The following TTLL4 variants were observed in gnomAD, a reference collection of about 807,000 sequenced individuals.
TTLL4 encodes the protein tubulin monoglutamylase TTLL4.
In TTLL4, 85 loss-of-function variants were observed where a neutral mutation model predicts 122.7. That is an observed-to-expected ratio of 0.69 (90% confidence interval 0.58 to 0.83). The LOEUF is 0.83. Ranked by LOEUF, TTLL4 falls within the 40% of genes least tolerant of loss-of-function variation. The pLI, the probability that TTLL4 is intolerant of heterozygous loss-of-function variation, is 0.00. For missense variants in TTLL4, 1,363 were observed against 1,488.6 expected (o/e 0.92, Z 1.39); for synonymous variants, 553 against 563.0 (o/e 0.98, Z 0.25).
chr2:218,753,004 AAG>A, intron 17 of TTLL4, 31 bp downstream of exon 17: 1 of 1,614,038 alleles, frequency 6.2e-7, no homozygotes, highest in Non-Finnish European at 8.5e-7. Flanking sequence ...TCAGAAAGCC[AAG>A]TTTAGTGAGA....
chr2:218,712,560 G>A (rs1379060928), intron 1 of TTLL4, among the ~76,000 whole-genome samples: 3 of 151,970 alleles, frequency 2.0e-5, no homozygotes, highest in Non-Finnish European at 2.9e-5. Context: ...TTAATTTTTT[G>A]TATTTTTTAG....
chr2:218,749,444 C>T (rs1942955611), intron 14 of TTLL4, 57 bp downstream of exon 14: 1 of 1,584,200 alleles, frequency 6.3e-7, no homozygotes, highest in Non-Finnish European at 8.6e-7. Flanking sequence ...CTCACGCTCC[C>T]ATTGCCACTC....
In TTLL4 at chr2:218,750,021, C is replaced by T. The variant is rs1348584173; in HGVS notation, c.2748C>T (p.Ser916=). 4 of 1,614,056 alleles carry T rather than the reference C, an allele frequency of 2.5e-6. No homozygotes were observed. In the South Asian group the frequency reaches 4.4e-5, roughly 18 times the overall value. ...CCTTTTTCTGAAGCCTCCACTCCAGCTCTCCACTGGATATCAGCATCAAAG... is the reference window on the plus strand; with the variant it reads ...CCTTTTTCTGAAGCCTCCACTCCAGTTCTCCACTGGATATCAGCATCAAAG... ...EVNISPSLHS[S]SPLDISIKGQ... is the part of the protein sequence containing the mutation. Residue 916 remains serine (S), a synonymous_variant, in exon 15 of 20, where the codon AGC becomes AGT. Coordinates refer to ENST00000392102, the MANE Select transcript of TTLL4 (RefSeq NM_014640.5).
intron 1 of TTLL4, among the ~76,000 whole-genome samples, chr2:218,716,238 G>C (rs528397821): frequency 3.9e-5 from 6 of 152,160 alleles, no homozygotes; most frequent in Non-Finnish European, 8.8e-5. Context: ...GAAGTGACAG[G>C]CTTACTTTGT....
intron 6 of TTLL4, 125 bp downstream of exon 6, chr2:218,745,358 T>C (rs1367709455): frequency 1.4e-5 from 18 of 1,296,644 alleles, no homozygotes; most frequent in Admixed American, 3.9e-5. Flanking sequence ...GTTGTCACAC[T>C]GTGCTCAGTT....
rs1255094535 is a variant in TTLL4, at chr2:218,752,790, C to T, written c.3004C>T (p.Leu1002=). Residue 1002 remains leucine, a synonymous_variant, in exon 17 of 20, where the codon CTG becomes TTG. Coordinates refer to ENST00000392102, the MANE Select transcript of TTLL4 (RefSeq NM_014640.5). Reference sequence around the variant, plus strand: ...CTTCTATGCATCTGTGCTGGATGTCCTGACACCAGATGATGTTCGGATTCT... The same window carrying T: ...CTTCTATGCATCTGTGCTGGATGTCTTGACACCAGATGATGTTCGGATTCT... ...QDFYASVLDV[L]TPDDVRILVE... is the part of the protein sequence containing the mutation. The T allele has an allele frequency of 3.1e-6, 5 of 1,614,212 alleles. No homozygotes were observed. In the South Asian group the frequency reaches 3.3e-5, roughly 11 times the overall value.
Position 218,740,513 on chromosome 2 carries a change from T to C in TTLL4, c.1598-8T>C. 1.2e-6 allele frequency: 2 copies of C among 1,614,068 alleles called. No individual in the cohort carries two copies. Among genetic ancestry groups the C allele is most frequent in the South Asian group, 2.2e-5 (2 of 91,082 alleles). On this transcript the variant is annotated splice_polypyrimidine_tract_variant and splice_region_variant and intron_variant, in intron 4 of 19. Coordinates refer to ENST00000392102, the MANE Select transcript of TTLL4 (RefSeq NM_014640.5). ...TAGTCAGAATTTCTCTGTTCTTCCTTCCTCTAGGAGACTCAGAGTGCTCCT... is the reference window on the plus strand; with the variant it reads ...TAGTCAGAATTTCTCTGTTCTTCCTCCCTCTAGGAGACTCAGAGTGCTCCT...
downstream of TTLL4, among the ~76,000 whole-genome samples, chr2:218,758,510 C>A (rs949729914): frequency 1.3e-5 from 2 of 151,944 alleles, no homozygotes; most frequent in Admixed American, 1.3e-4. Flanking sequence ...ATTACAATAG[C>A]GTGTTAATAT....
intron 1 of TTLL4, among the ~76,000 whole-genome samples, chr2:218,726,812 CT>C (rs1027573314): frequency 8.5e-5 from 12 of 141,478 alleles, no homozygotes; most frequent in African/African-American, 1.8e-4. Flanking sequence ...TTCTTTCTTT[CT>C]TTTTTTTTTG....
Position 218,714,380 on chromosome 2 carries a change from T to C in TTLL4, c.-178+3343T>C, listed in dbSNP as rs1044498554. 2.6e-5 allele frequency among the ~76,000 whole-genome samples: 4 copies of C among 152,374 alleles called. No homozygotes were observed. In the South Asian group the frequency reaches 6.2e-4, roughly 24 times the overall value. On this transcript the variant is annotated intron_variant, in intron 1 of 19. Coordinates refer to ENST00000392102, the MANE Select transcript of TTLL4 (RefSeq NM_014640.5). Reference sequence around the variant, plus strand: ...CTCATGTTTTGGAGTTGGATTTAGCTTTCTCACTAGATTCCTTCTATGACC... The same window carrying C: ...CTCATGTTTTGGAGTTGGATTTAGCCTTCTCACTAGATTCCTTCTATGACC...
intron 12 of TTLL4, 187 bp downstream of exon 12, chr2:218,748,414 G>A (rs781510280): frequency 9.7e-6 from 9 of 923,634 alleles, no homozygotes; most frequent in Non-Finnish European, 1.4e-5. Flanking sequence ...TAGCACTTTG[G>A]GAGGCCAAGG....
chr2:218,753,764 A>T (rs1943088547), intron 19 of TTLL4, 95 bp downstream of exon 19: 2 of 1,384,192 alleles, frequency 1.4e-6, no homozygotes, highest in South Asian at 2.3e-5. Flanking sequence ...TGAGATCAGC[A>T]TTCTCCAGCT....
rs763400004 is a variant in TTLL4 at position 218,737,896 on chromosome 2, G to T, written c.220G>T (p.Val74Phe). Residue 74 changes from valine (V) to phenylalanine (F), a missense_variant, in exon 3 of 20, where the codon GTC (valine) becomes TTC (phenylalanine). Around this residue, in one of 3 missense-constraint regions of TTLL4, gnomAD observed 760 missense variants for 808.4 expected, o/e 0.94. Transcript: ENST00000392102. ...SAGLGPGLLG[V>F]PPQPAYFFCP... The stretch of plus-strand genomic sequence containing the variant: ...AGGGTTGGGCCCAGGCCTCTTGGGC[G>T]TCCCACCCCAGCCAGCATATTTCTT... 1 of 1,614,204 alleles carries T rather than the reference G, an allele frequency of 6.2e-7. No individual in the cohort carries two copies. Among genetic ancestry groups the T allele is most frequent in the African/African-American group, 1.3e-5 (1 of 75,062 alleles).
intron 1 of TTLL4, among the ~76,000 whole-genome samples, chr2:218,723,411 A>G (rs4672897): frequency 0.49 from 74,485 of 152,046 alleles, 18,884 homozygotes; most frequent in African/African-American, 0.58. Flanking sequence ...GAGACCTCCT[A>G]CCAGCTTGTA....
chr2:218,749,702 C>T (rs543739533), intron 14 of TTLL4, among the ~76,000 whole-genome samples: 3 of 152,240 alleles, frequency 2.0e-5, no homozygotes, highest in Admixed American at 6.5e-5. Context: ...CTCCTGACCT[C>T]GTGATCTGCC....
Position 218,754,809 on chromosome 2 carries a change from G to T in TTLL4, c.*420G>T. 1 of 195,114 alleles carries T rather than the reference G, an allele frequency of 5.1e-6. No individual in the cohort carries two copies. Among genetic ancestry groups the T allele is most frequent in the Non-Finnish European group, 1.1e-5 (1 of 94,168 alleles). 12.1% of individuals were successfully genotyped at this position (195,114 alleles called of 1,614,324 possible). A position where few individuals can be genotyped will look rare whatever the true frequency, so the allele number is the denominator to read the frequency against. The stretch of plus-strand genomic sequence containing the variant: ...AAATCCTTTGTTCTGAATTTGAGGG[G>T]GTCTTCTGAGGTCCTTACTTCCTTA... On this transcript the variant is annotated 3_prime_UTR_variant, in exon 20 of 20. Transcript: ENST00000392102.
chr2:218,734,010 A>C lies in TTLL4; in HGVS notation c.-98-3569A>C, dbSNP rs189999196. 2.7e-3 allele frequency among the ~76,000 whole-genome samples: 415 copies of C among 152,298 alleles called. 1 individual carries two copies. Among genetic ancestry groups the C allele is most frequent in the Non-Finnish European group, 5.2e-3 (355 of 68,020 alleles). On this transcript the variant is annotated intron_variant, in intron 2 of 19. Transcript: ENST00000392102. ...GGTATAAACATGGAGGAGTGTTTCC[A>C]ACCTGGCTTTTGTCTGGTACCTAAA...
chr2:218,747,359 C>G lies in TTLL4; in HGVS notation c.2236C>G (p.Leu746Val), dbSNP rs1575180565. 1.9e-6 allele frequency: 3 copies of G among 1,614,210 alleles called. No individual in the cohort carries two copies. Among genetic ancestry groups the G allele is most frequent in the Non-Finnish European group, 2.5e-6 (3 of 1,180,054 alleles). ...GAGTCAGCTCCCCAAGCGAAGGCCCCTCCTGGTACAGAGGTGAGCCTGTAG... is the reference window on the plus strand; with the variant it reads ...GAGTCAGCTCCCCAAGCGAAGGCCCGTCCTGGTACAGAGGTGAGCCTGTAG... ...KWSQLPKRRP[L>V]LVQRYLHKPY... is the part of the protein sequence containing the mutation. Residue 746 changes from leucine to valine, a missense_variant, in exon 10 of 20, where the codon CTC (leucine) becomes GTC (valine). By Grantham distance (32) the Leu-to-Val change is conservative. Transcript: ENST00000392102. The surrounding 1 kb of genome is among the most constrained non-coding windows in gnomAD (Gnocchi z 4.7).
At chr2:218,713,023 G>A (rs1232814267) in intron 1 of TTLL4, among the ~76,000 whole-genome samples, 1 of 152,118 alleles carries the variant, frequency 6.6e-6, no homozygotes, top group African/African-American at 2.4e-5. Flanking sequence ...GATAAAACTT[G>A]CGTAAAATTT....
Sources: gnomAD v4.1 joint callset for allele counts (sites outside exome capture counted in the v4.1 genomes callset) on GRCh38, gnomAD v4.1.1 for gene constraint, gnomAD v4.1.1 regional missense constraint, Gnocchi (gnomAD v3.1) non-coding constraint, MANE v1.5 for transcripts, NCBI Gene and HGNC (gene_info 2026-07-23, HGNC 2026-07-21) for gene names.